The following ZCCHC7 variants were observed in gnomAD, a reference collection of about 807,000 sequenced individuals.
ZCCHC7 encodes the protein zinc finger CCHC-type containing 7, also known as zinc finger CCHC domain-containing protein 7.
A neutral mutation model predicts 52.0 loss-of-function variants in ZCCHC7; 35 were observed. That is an observed-to-expected ratio of 0.67 (90% CI 0.51 to 0.89). The LOEUF (loss-of-function observed/expected upper bound fraction) is 0.89. Ranked by LOEUF, ZCCHC7 falls within the 40% of genes least tolerant of loss-of-function variation. ZCCHC7 has a pLI of 0.00. For missense variants in ZCCHC7, 574 were observed against 649.1 expected, an observed-to-expected ratio of 0.88 and a Z score of 1.26; for synonymous variants, 217 against 221.5, an observed-to-expected ratio of 0.98 and a Z score of 0.18.
chr9:37,244,985 AC>A (rs1208179386), intron 2 of ZCCHC7, among the ~76,000 whole-genome samples: 1 of 151,826 alleles, frequency 6.6e-6, no homozygotes, highest in African/African-American at 2.4e-5. Context: ...GAGTATATAA[AC>A]CCCTTTTTCT....
At chr9:37,326,383 A>G (rs562649223) in intron 5 of ZCCHC7, among the ~76,000 whole-genome samples, 2 of 152,016 alleles carry the variant, frequency 1.3e-5, no homozygotes, top group South Asian at 2.1e-4. Flanking sequence ...ACTGGATATA[A>G]TAAGTGGGTT....
intron 4 of ZCCHC7, among the ~76,000 whole-genome samples, 189 bp downstream of exon 4, chr9:37,304,502 A>G (rs1208035034): frequency 6.6e-6 from 1 of 152,092 alleles, no homozygotes; most frequent in Non-Finnish European, 1.5e-5. Context: ...AAAAATATAC[A>G]AAAAATTAGC....
intron 2 of ZCCHC7, among the ~76,000 whole-genome samples, chr9:37,274,606 T>C (rs1827596069): frequency 6.6e-6 from 1 of 152,104 alleles, no homozygotes; most frequent in Admixed American, 6.6e-5. Flanking sequence ...CCCAAAGTGT[T>C]GGGATTACAG....
At chr9:37,159,806 C>G (rs1445471515) in intron 2 of ZCCHC7, among the ~76,000 whole-genome samples, 2 of 152,058 alleles carry the variant, frequency 1.3e-5, no homozygotes, top group African/African-American at 4.8e-5. Flanking sequence ...AGAAAGACAT[C>G]AGAAAAACTA....
intron 2 of ZCCHC7, among the ~76,000 whole-genome samples, chr9:37,279,903 C>T (rs1413413813): frequency 1.3e-5 from 2 of 151,784 alleles, no homozygotes; most frequent in East Asian, 3.9e-4. Flanking sequence ...GCCTGTAATC[C>T]CAGCACTTTG....
intron 2 of ZCCHC7, among the ~76,000 whole-genome samples, chr9:37,270,639 G>A (rs929157952): frequency 3.3e-5 from 5 of 149,962 alleles, no homozygotes; most frequent in Admixed American, 1.3e-4. Flanking sequence ...CCAAGATCGC[G>A]TCACTGCACT....
chr9:37,337,602 G>T (rs928192445), intron 6 of ZCCHC7, among the ~76,000 whole-genome samples: 2 of 152,042 alleles, frequency 1.3e-5, no homozygotes, highest in Admixed American at 1.3e-4. Context: ...AAATTGAAAG[G>T]TTTTATCGGC....
intron 2 of ZCCHC7, among the ~76,000 whole-genome samples, chr9:37,176,412 A>G (rs1374838329): frequency 6.6e-6 from 1 of 152,166 alleles, no homozygotes; most frequent in African/African-American, 2.4e-5. Flanking sequence ...AAGGTAGCCT[A>G]GGAACTCAGC....
chr9:37,205,880 T>C (rs1453248950), intron 2 of ZCCHC7, among the ~76,000 whole-genome samples: 2 of 151,950 alleles, frequency 1.3e-5, no homozygotes, highest in Non-Finnish European at 2.9e-5. Flanking sequence ...GTGGATTTGT[T>C]GGAGTTTTTT....
At chr9:37,158,832 A>G (rs1245226353) in intron 2 of ZCCHC7, among the ~76,000 whole-genome samples, 2 of 152,244 alleles carry the variant, frequency 1.3e-5, no homozygotes, top group Non-Finnish European at 2.9e-5. Context: ...TGCAAGTGGC[A>G]TAAAAAAATA....
chr9:37,159,734 A>C (rs183453815), intron 2 of ZCCHC7, among the ~76,000 whole-genome samples: 1 of 152,364 alleles, frequency 6.6e-6, no homozygotes, highest in African/African-American at 2.4e-5. Flanking sequence ...TCAGCTTTCT[A>C]GAATTCCTGT....
At chr9:37,153,311 T>C (rs1820633395) in intron 2 of ZCCHC7, among the ~76,000 whole-genome samples, 1 of 151,720 alleles carries the variant, frequency 6.6e-6, no homozygotes, top group Non-Finnish European at 1.5e-5. Flanking sequence ...GCTGGGATCA[T>C]AGGTGCCCGC....
At chr9:37,318,601 T>C (rs896173475) in intron 5 of ZCCHC7, among the ~76,000 whole-genome samples, 2 of 151,982 alleles carry the variant, frequency 1.3e-5, no homozygotes, top group Non-Finnish European at 2.9e-5. Flanking sequence ...TTTCTATATA[T>C]GTAGATTTGC....
At chr9:37,348,755 C>A (rs1821180385) in intron 6 of ZCCHC7, among the ~76,000 whole-genome samples, 1 of 152,172 alleles carries the variant, frequency 6.6e-6, no homozygotes, top group Admixed American at 6.5e-5. Context: ...CAAGGCCCTC[C>A]ATTCTTGTGC....
At chr9:37,250,200 C>T (rs909890608) in intron 2 of ZCCHC7, among the ~76,000 whole-genome samples, 3 of 152,096 alleles carry the variant, frequency 2.0e-5, no homozygotes, top group Admixed American at 6.6e-5. Flanking sequence ...TGTGGCCTCT[C>T]TCCTGGGATG....
At chr9:37,296,004 T>A (rs959192182) in intron 2 of ZCCHC7, among the ~76,000 whole-genome samples, 4 of 152,198 alleles carry the variant, frequency 2.6e-5, no homozygotes, top group African/African-American at 9.6e-5. Flanking sequence ...AGAAAACTGC[T>A]GAATATTATC....
intron 2 of ZCCHC7, among the ~76,000 whole-genome samples, chr9:37,295,331 A>C (rs529158441): frequency 6.6e-6 from 1 of 152,202 alleles, no homozygotes; most frequent in Non-Finnish European, 1.5e-5. Flanking sequence ...GTAAAGGCCA[A>C]ATCATGAAAG....
intron 2 of ZCCHC7, among the ~76,000 whole-genome samples, chr9:37,166,255 G>C (rs1451795190): frequency 1.3e-5 from 2 of 152,082 alleles, no homozygotes; most frequent in African/African-American, 4.8e-5. Context: ...AATTAGCCAG[G>C]CAGGGTGGTG....
rs868365302 is a variant in ZCCHC7, at chr9:37,260,960, A to G, written c.611-41228A>G. 1.7e-4 allele frequency among the ~76,000 whole-genome samples: 26 copies of G among 151,972 alleles called. 1 individual carries two copies. The highest frequency in any genetic ancestry group is 6.6e-5 in the Admixed American group (1 of 15,258). On this transcript the variant is annotated intron_variant, in intron 2 of 8. Coordinates refer to ENST00000336755, the MANE Select transcript of ZCCHC7 (RefSeq NM_032226.3). ...TCTTTTAATTACCACTTGGATTTTT[A>G]TTATTTCTGATCTTTTTTTGTTTGT...
Sources: allele counts gnomAD v4.1 joint callset (sites outside exome capture counted in the v4.1 genomes callset), GRCh38; gene constraint gnomAD v4.1.1; transcripts MANE v1.5; gene names NCBI Gene and HGNC (gene_info 2026-07-23, HGNC 2026-07-21).